GALNTL6: variants seen among roughly 807,000 people sequenced by gnomAD.
GALNTL6 encodes polypeptide N-acetylgalactosaminyltransferase like 6, also known as polypeptide N-acetylgalactosaminyltransferase-like 6.
Under a neutral mutation model 73.7 loss-of-function variants are expected in GALNTL6, and 46 were observed. The ratio of observed to expected loss-of-function variants is 0.62; its 90% CI spans 0.49 to 0.80. The LOEUF (loss-of-function observed/expected upper bound fraction) is 0.80. Among genes scored for constraint, GALNTL6 ranks in the 30% least tolerant of loss-of-function variants. The probability of loss-of-function intolerance (pLI) is 0.00; values close to 1 mark genes in which losing one functional copy is unlikely to be tolerated. For synonymous variants in GALNTL6, 259 were observed against 263.7 expected (o/e 0.98, Z 0.17); for missense variants, 604 against 755.0 (o/e 0.80, Z 2.34).
chr4:172,621,841 C>T (rs1481106661), intron 5 of GALNTL6, among the ~76,000 whole-genome samples: 16 of 152,092 alleles, frequency 1.1e-4, no homozygotes, highest in Admixed American at 1.0e-3. Context: ...TTCTTTGTAG[C>T]TAATGTTTTT....
At position 172,790,492 on chromosome 4, in the gene GALNTL6, A is replaced by T. The variant is rs79931964; in HGVS notation, c.554-18869A>T. On this transcript the variant is annotated intron_variant, in intron 5 of 12. Transcript: ENST00000506823. ...CCTGTGAGCCAGAAAGAAGGACCTC[A>T]CCAGAAACTAACGCCATGGTGCCTT... Among the ~76,000 whole-genome samples the T allele has an allele frequency of 5.2e-3, 789 of 152,324 alleles. 12 individuals carry two copies. Among genetic ancestry groups the T allele is most frequent in the African/African-American group, 0.018 (761 of 41,562 alleles).
At chr4:173,034,963 A>C (rs1753624026) in intron 12 of GALNTL6, among the ~76,000 whole-genome samples, 1 of 152,138 alleles carries the variant, frequency 6.6e-6, no homozygotes, top group Non-Finnish European at 1.5e-5. Flanking sequence ...TTGTTGAATA[A>C]GTTGAATGCA....
intron 2 of GALNTL6, among the ~76,000 whole-genome samples, chr4:171,954,630 A>T (rs1192899627): frequency 6.6e-6 from 1 of 152,208 alleles, no homozygotes; most frequent in Non-Finnish European, 1.5e-5. Context: ...TAATCTGAAT[A>T]AGTATTGGGA....
At chr4:172,351,226 TCTAC>T (rs1561040625) in intron 5 of GALNTL6, among the ~76,000 whole-genome samples, 1 of 151,722 alleles carries the variant, frequency 6.6e-6, no homozygotes, top group African/African-American at 2.4e-5. Context: ...TATCTATCTA[TCTAC>T]CTCTTTACTG....
intron 2 of GALNTL6, among the ~76,000 whole-genome samples, chr4:171,956,836 G>A (rs7434835): frequency 0.41 from 62,945 of 151,854 alleles, 16,060 homozygotes; most frequent in Admixed American, 0.56. Flanking sequence ...ACTTTATGTA[G>A]CTCTCTGTTC....
intron 5 of GALNTL6, among the ~76,000 whole-genome samples, chr4:172,401,953 G>GAGAGAGA (rs1561066531): frequency 2.2e-5 from 2 of 92,180 alleles, no homozygotes; most frequent in African/African-American, 4.5e-5. Context: ...GGGGGAGGGG[G>GAGAGAGA]GAGAGAGAGA....
intron 3 of GALNTL6, among the ~76,000 whole-genome samples, chr4:172,291,826 A>C (rs976476697): frequency 1.4e-4 from 21 of 152,072 alleles, no homozygotes; most frequent in African/African-American, 5.1e-4. Flanking sequence ...ATTCTGCCAA[A>C]ATTATATTTT....
chr4:172,240,511 G>A (rs1008105229), intron 3 of GALNTL6, among the ~76,000 whole-genome samples: 9 of 152,038 alleles, frequency 5.9e-5, no homozygotes, highest in Admixed American at 2.6e-4. Context: ...GATTACAGGC[G>A]TGAGCCACTG....
At chr4:172,498,847 CA>C (rs1277332862) in intron 5 of GALNTL6, among the ~76,000 whole-genome samples, 10 of 152,232 alleles carry the variant, frequency 6.6e-5, no homozygotes, top group African/African-American at 2.4e-4. Flanking sequence ...AAAAATTATT[CA>C]TAAGTAAATC....
intron 2 of GALNTL6, among the ~76,000 whole-genome samples, chr4:171,871,118 G>A (rs1329591454): frequency 6.6e-6 from 1 of 152,084 alleles, no homozygotes; most frequent in Non-Finnish European, 1.5e-5. Context: ...ATTAAAATAT[G>A]TACAGGTAAA....
At chr4:172,833,258 T>C (rs1203612526) in intron 7 of GALNTL6, among the ~76,000 whole-genome samples, 2 of 152,120 alleles carry the variant, frequency 1.3e-5, no homozygotes, top group Non-Finnish European at 2.9e-5. Context: ...CACTATTTTC[T>C]TTTCTCAGTA....
chr4:172,268,140 T>A (rs1181432455), intron 3 of GALNTL6, among the ~76,000 whole-genome samples: 1 of 152,224 alleles, frequency 6.6e-6, no homozygotes, highest in African/African-American at 2.4e-5. Context: ...AGTTTACTCT[T>A]AAATCTTCAA....
chr4:171,902,331 T>A (rs981651971), intron 2 of GALNTL6, among the ~76,000 whole-genome samples: 3 of 152,202 alleles, frequency 2.0e-5, no homozygotes, highest in Non-Finnish European at 4.4e-5. Context: ...GAAATTCAGG[T>A]GTCTGCAAAT....
At chr4:172,362,253 CA>C (rs1472058235) in intron 5 of GALNTL6, among the ~76,000 whole-genome samples, 1 of 152,028 alleles carries the variant, frequency 6.6e-6, no homozygotes, top group Non-Finnish European at 1.5e-5. Flanking sequence ...TGAAGTTGTA[CA>C]ACTAGCATTT....
intron 5 of GALNTL6, among the ~76,000 whole-genome samples, chr4:172,784,719 G>A (rs1231464248): frequency 6.6e-6 from 1 of 152,110 alleles, no homozygotes; most frequent in Non-Finnish European, 1.5e-5. Context: ...CTCTTTGCAT[G>A]GAGAAATGTT....
intron 12 of GALNTL6, among the ~76,000 whole-genome samples, chr4:173,022,090 A>AGAAGGAAGGAAG (rs766332283): frequency 1.5e-5 from 1 of 66,252 alleles, no homozygotes; most frequent in East Asian, 6.0e-4. Flanking sequence ...AAGGAAGGAA[A>AGAAGGAAGGAAG]GAAGGAAGGA....
intron 5 of GALNTL6, among the ~76,000 whole-genome samples, chr4:172,737,889 G>T (rs973141343): frequency 1.3e-5 from 2 of 152,168 alleles, no homozygotes; most frequent in African/African-American, 4.8e-5. Context: ...AAATTGGGAA[G>T]GTCCCAAAAG....
At chr4:172,036,650 T>G (rs1157002325) in intron 2 of GALNTL6, among the ~76,000 whole-genome samples, 1 of 152,098 alleles carries the variant, frequency 6.6e-6, no homozygotes, top group Admixed American at 6.6e-5. Context: ...AAATAACTTG[T>G]CCCATATTTC....
intron 2 of GALNTL6, among the ~76,000 whole-genome samples, chr4:172,120,921 A>G (rs1733132002): frequency 6.6e-6 from 1 of 151,972 alleles, no homozygotes; most frequent in Admixed American, 6.5e-5. Flanking sequence ...AAAATGGGCT[A>G]ATGAACATTG....
Sources: gnomAD v4.1 joint callset for allele counts (sites outside exome capture counted in the v4.1 genomes callset) on GRCh38, gnomAD v4.1.1 for gene constraint, MANE v1.5 for transcripts, NCBI Gene and HGNC (gene_info 2026-07-23, HGNC 2026-07-21) for gene names.